Variants in SNX18 observed in about 807,000 individuals in gnomAD.
SNX18 encodes sorting nexin 18.
Under a neutral mutation model 48.7 loss-of-function variants are expected in SNX18, and 35 were observed. The ratio of observed to expected loss-of-function variants is 0.72; its 90% CI spans 0.55 to 0.95. The LOEUF is 0.95. Among genes scored for constraint, SNX18 ranks in the 40% least tolerant of loss-of-function variants. The pLI, the probability that SNX18 is intolerant of heterozygous loss-of-function variation, is 0.00. For synonymous variants in SNX18, 492 were observed against 384.7 expected (o/e 1.28, Z -3.26); for missense variants, 824 against 871.0 (o/e 0.95, Z 0.68).
chr5:54,550,560 A>T (rs1055048633), downstream of SNX18, among the ~76,000 whole-genome samples: 2 of 152,224 alleles, frequency 1.3e-5, no homozygotes, highest in African/African-American at 4.8e-5. Flanking sequence ...AACAAAGCGA[A>T]TGTGTTTGCT....
the SNX18 span, among the ~76,000 whole-genome samples, chr5:54,608,700 T>A: frequency 6.6e-6 from 1 of 152,212 alleles, no homozygotes. Context: ...GGTGTATATG[T>A]GTATGCATAG....
the SNX18 span, among the ~76,000 whole-genome samples, chr5:54,591,775 A>G: frequency 6.6e-6 from 1 of 152,216 alleles, no homozygotes; most frequent in African/African-American, 2.4e-5. Context: ...GTGCATACAA[A>G]TGTGTTTTTA....
At chr5:54,605,753 G>C in the SNX18 span, among the ~76,000 whole-genome samples, 1 of 152,082 alleles carries the variant, frequency 6.6e-6, no homozygotes, top group Non-Finnish European at 1.5e-5. Context: ...TCGAACTCCT[G>C]GGCTCAAGGG....
downstream of SNX18, among the ~76,000 whole-genome samples, chr5:54,550,035 C>G (rs1206938124): frequency 6.6e-6 from 1 of 152,156 alleles, no homozygotes; most frequent in Admixed American, 6.5e-5. Context: ...CAGGATTTAC[C>G]AAATTAAGGT....
chr5:54,570,502 A>G, the SNX18 span, among the ~76,000 whole-genome samples: 55 of 152,318 alleles, frequency 3.6e-4, 1 homozygote, highest in African/African-American at 1.3e-3. Context: ...AATGCTTAAC[A>G]TCATGTATTT....
the SNX18 span, among the ~76,000 whole-genome samples, chr5:54,647,257 G>A: frequency 6.6e-6 from 1 of 152,180 alleles, no homozygotes; most frequent in African/African-American, 2.4e-5. Flanking sequence ...TTAAAACGCA[G>A]GAAAAAGATC....
intron 1 of SNX18, among the ~76,000 whole-genome samples, chr5:54,530,060 G>A (rs1313066088): frequency 3.9e-5 from 6 of 152,114 alleles, no homozygotes; most frequent in Admixed American, 3.9e-4. Context: ...GCTTCTGGTG[G>A]TTGCCAGCAG....
the SNX18 span, among the ~76,000 whole-genome samples, chr5:54,618,898 T>C: frequency 6.6e-6 from 1 of 151,928 alleles, no homozygotes; most frequent in African/African-American, 2.4e-5. Flanking sequence ...CCCTGTTCTA[T>C]AAGCAAAGCA....
rs1177711137 is a variant in SNX18 at position 54,519,110 on chromosome 5, C to T, written c.1158C>T (p.Asp386=). 17 of 1,613,928 alleles carry T rather than the reference C, an allele frequency of 1.1e-5. No homozygotes were observed. The highest frequency in any genetic ancestry group is 1.4e-5 in the Non-Finnish European group (17 of 1,180,026). ...QHFLTCPSST[D]EKAWKQGKRK... is the part of the protein sequence containing the mutation. Reference sequence around the variant, plus strand: ...TCCTGACGTGCCCCAGCAGCACCGACGAGAAAGCCTGGAAGCAGGGCAAGA... The same window carrying T: ...TCCTGACGTGCCCCAGCAGCACCGATGAGAAAGCCTGGAAGCAGGGCAAGA... Residue 386 remains aspartate (D), a synonymous_variant, in exon 1 of 2, where the codon GAC becomes GAT. Coordinates refer to ENST00000381410, the MANE Select transcript of SNX18 (RefSeq NM_001102575.2).
chr5:54,518,459 C>CT lies in SNX18; in HGVS notation c.507_508insT (p.Ala170CysfsTer182). ...GCTCCACGGTGGCGGACGAGCCGGG[C>CT]GCTCTGGGCAGCGGAGCATACCCGG... On this transcript the variant is annotated frameshift_variant, in exon 1 of 2. Coordinates refer to ENST00000381410, the MANE Select transcript of SNX18 (RefSeq NM_001102575.2). LOFTEE classifies it high-confidence loss of function. The CT allele has an allele frequency of 6.4e-7, 1 of 1,571,304 alleles. No individual in the cohort carries two copies. The highest frequency in any genetic ancestry group is 8.6e-7 in the Non-Finnish European group (1 of 1,159,202).
rs1365933319 is a variant in SNX18, at chr5:54,546,049, C to CTGT, written c.*2621_*2623dup. On this transcript the variant is annotated 3_prime_UTR_variant, in exon 2 of 2. Transcript: ENST00000381410. ...GTCGTAATCTTGTTCCCCGTCCAAG[C>CTGT]TGTTGTATCTGAAGGTACCCAGTTT... 8 of 152,142 alleles carry CTGT rather than the reference C, an allele frequency of 5.3e-5. No individual in the cohort carries two copies. The highest frequency in any genetic ancestry group is 2.0e-4 in the Admixed American group (3 of 15,274). The allele number at this position is 152,142 out of a possible 1,614,324, so 9.4% of individuals were successfully genotyped here.
the SNX18 span, among the ~76,000 whole-genome samples, chr5:54,572,956 G>T: frequency 1.3e-5 from 2 of 150,902 alleles, no homozygotes; most frequent in Non-Finnish European, 2.9e-5. Context: ...TTTTGAGTAA[G>T]GGCTAGGAAA....
At chr5:54,551,854 C>T in the SNX18 span, among the ~76,000 whole-genome samples, 2 of 152,292 alleles carry the variant, frequency 1.3e-5, no homozygotes, top group East Asian at 3.9e-4. Context: ...GCAGTAAATA[C>T]AGCAGAACTG....
chr5:54,537,891 A>G (rs1206809879), intron 1 of SNX18, among the ~76,000 whole-genome samples: 1 of 152,232 alleles, frequency 6.6e-6, no homozygotes, highest in Non-Finnish European at 1.5e-5. Flanking sequence ...AAATGCTGTC[A>G]TACTTTGTTA....
the SNX18 span, among the ~76,000 whole-genome samples, chr5:54,629,275 G>C: frequency 6.6e-6 from 1 of 152,164 alleles, no homozygotes. Flanking sequence ...TGTTCTCACA[G>C]TCCTGCAGCT....
chr5:54,590,241 A>G, the SNX18 span, among the ~76,000 whole-genome samples: 1 of 152,234 alleles, frequency 6.6e-6, no homozygotes, highest in Non-Finnish European at 1.5e-5. Flanking sequence ...TAGTAAGGCC[A>G]AAAGGAGTAT....
chr5:54,572,754 G>GTGTGTGTATATATATATATATA, the SNX18 span, among the ~76,000 whole-genome samples: 8 of 31,884 alleles, frequency 2.5e-4, no homozygotes, highest in African/African-American at 3.7e-4. Flanking sequence ...GTGTGTGTGT[G>GTGTGTGTATATATATATATATA]TATATATATA....
At chr5:54,551,563 C>G (rs1055979606), downstream of SNX18, among the ~76,000 whole-genome samples, 2 of 152,178 alleles carry the variant, frequency 1.3e-5, no homozygotes, top group African/African-American at 4.8e-5. Flanking sequence ...ACTGCCGTTA[C>G]GTTCATTCTT....
chr5:54,596,467 G>C, the SNX18 span, among the ~76,000 whole-genome samples: 2 of 152,112 alleles, frequency 1.3e-5, no homozygotes, highest in South Asian at 4.1e-4. Flanking sequence ...TGCTAATTTG[G>C]TTGCTGCATG....
Sources: allele counts gnomAD v4.1 joint callset (sites outside exome capture counted in the v4.1 genomes callset), GRCh38; gene constraint gnomAD v4.1.1; transcripts MANE v1.5; gene names NCBI Gene and HGNC (gene_info 2026-07-23, HGNC 2026-07-21).